The following KANK1 variants were observed in gnomAD, a reference collection of about 807,000 sequenced individuals.
KANK1 encodes the protein KN motif and ankyrin repeat domains 1.
KANK1 carries 109 observed loss-of-function variants against 106.2 expected under a neutral mutation model. The observed-to-expected ratio is 1.03, with a 90% confidence interval of 0.88 to 1.20. The LOEUF (loss-of-function observed/expected upper bound fraction) is 1.20. Ranked by LOEUF, KANK1 falls within the 50% of genes most tolerant of loss-of-function variation. The probability of loss-of-function intolerance (pLI) is 0.00; values close to 1 mark genes in which losing one functional copy is unlikely to be tolerated. For missense variants in KANK1, 2,399 were observed against 1,710.7 expected, an observed-to-expected ratio of 1.40 and a Z score of -7.10; for synonymous variants, 873 against 652.2, an observed-to-expected ratio of 1.34 and a Z score of -5.16.
intron 2 of KANK1, among the ~76,000 whole-genome samples, chr9:677,937 C>T (rs1395861872): frequency 6.6e-6 from 1 of 152,140 alleles, no homozygotes; most frequent in Non-Finnish European, 1.5e-5. Context: ...ATCCACCTGC[C>T]GGTTTAGGAC....
At chr9:561,526 T>C (rs770807369) in intron 1 of KANK1, among the ~76,000 whole-genome samples, 2 of 152,230 alleles carry the variant, frequency 1.3e-5, no homozygotes, top group Non-Finnish European at 2.9e-5. Context: ...TTGAGTTGTT[T>C]CCTTAGGACA....
chr9:744,734 TCCGCCTCCACC>T, intron 11 of KANK1, 145 bp downstream of exon 11: 1 of 1,539,160 alleles, frequency 6.5e-7, no homozygotes, highest in Non-Finnish European at 8.8e-7. Context: ...GTTCATCCTT[TCCGCCTCCACC>T]CCGCAAAAAG....
intron 1 of KANK1, among the ~76,000 whole-genome samples, chr9:603,975 A>AAG (rs1327937454): frequency 6.6e-6 from 1 of 151,014 alleles, no homozygotes; most frequent in Non-Finnish European, 1.5e-5. Context: ...AAAAAAAAAA[A>AAG]AGTAAAATTA....
rs771879466 is a variant in KANK1 at position 738,491 on chromosome 9, G to C, written c.3540G>C (p.Leu1180=). Residue 1180 remains leucine (L), a synonymous_variant, in exon 8 of 12, where the codon CTG becomes CTC. Coordinates refer to ENST00000382297, the MANE Select transcript of KANK1 (RefSeq NM_015158.5). ...VSHSNFEIVK[L]LLDADVCNVD... ...ACTCCAACTTCGAGATTGTGAAGCT[G>C]CTGTTAGATGCCGGTATGTTGGCTG... The C allele has an allele frequency of 6.2e-7, 1 of 1,613,790 alleles. No homozygotes were observed. Among genetic ancestry groups the C allele is most frequent in the East Asian group, 2.2e-5 (1 of 44,886 alleles).
At chr9:574,637 C>T (rs567906522) in intron 1 of KANK1, among the ~76,000 whole-genome samples, 3 of 151,762 alleles carry the variant, frequency 2.0e-5, no homozygotes, top group South Asian at 4.2e-4. Flanking sequence ...CGGGTGGATC[C>T]TGAGGTGAGG....
At chr9:654,452 C>G (rs1841630893) in intron 1 of KANK1, among the ~76,000 whole-genome samples, 1 of 152,180 alleles carries the variant, frequency 6.6e-6, no homozygotes, top group South Asian at 2.1e-4. Context: ...GGAGGAACTA[C>G]TATTCTCTTG....
chr9:680,788 C>T (rs1437019074), intron 2 of KANK1: 1 of 152,242 alleles, frequency 6.6e-6, no homozygotes, highest in Non-Finnish European at 1.5e-5. Flanking sequence ...CTGTGTACCC[C>T]TTGCAGATTG....
At chr9:715,964 C>A (rs776682668) in intron 3 of KANK1, among the ~76,000 whole-genome samples, 12 of 152,172 alleles carry the variant, frequency 7.9e-5, no homozygotes, top group Non-Finnish European at 1.6e-4. Context: ...ACTGTGCATT[C>A]CTGTGCACAC....
chr9:542,476 C>G (rs989051886), intron 1 of KANK1, among the ~76,000 whole-genome samples: 1 of 152,158 alleles, frequency 6.6e-6, no homozygotes, highest in Non-Finnish European at 1.5e-5. Context: ...TTAGTACAAC[C>G]AATATGGAAA....
intron 1 of KANK1, among the ~76,000 whole-genome samples, chr9:591,624 C>T (rs749611170): frequency 1.6e-4 from 25 of 151,748 alleles, no homozygotes; most frequent in Non-Finnish European, 3.2e-4. Flanking sequence ...TGTGTGCACA[C>T]GCGCACACAC....
chr9:706,127 G>A (rs1824092862), intron 2 of KANK1, among the ~76,000 whole-genome samples: 1 of 152,174 alleles, frequency 6.6e-6, no homozygotes, highest in South Asian at 2.1e-4. Context: ...ACAATTGTTT[G>A]TGAAAATGAC....
chr9:711,546 G>C lies in KANK1; in HGVS notation c.780G>C (p.Leu260=), dbSNP rs150279798. ...TPVTNVSPMH[L]QHIREQMAIA... ...TGACCAACGTGAGCCCCATGCACCT[G>C]CAGCACATCCGCGAGCAGATGGCCA... The change falls in exon 3 of 12, where the codon CTG becomes CTC. Residue 260 remains leucine (L), a synonymous_variant. Transcript: ENST00000382297. 5 of 1,613,896 alleles carry C rather than the reference G, an allele frequency of 3.1e-6. No homozygotes were observed. In the South Asian group the frequency reaches 5.5e-5, roughly 18 times the overall value.
chr9:623,905 A>T (rs1833767213), intron 1 of KANK1, among the ~76,000 whole-genome samples: 3 of 152,310 alleles, frequency 2.0e-5, no homozygotes, highest in South Asian at 4.1e-4. Context: ...TCAAATTAGT[A>T]TGTCAAAGAG....
chr9:572,513 C>G (rs1489374219), intron 1 of KANK1, among the ~76,000 whole-genome samples: 2 of 151,918 alleles, frequency 1.3e-5, no homozygotes, highest in Non-Finnish European at 2.9e-5. Flanking sequence ...GATCGCTCCA[C>G]TGCACTCCAG....
At chr9:657,159 G>A (rs1388787734) in intron 1 of KANK1, among the ~76,000 whole-genome samples, 1 of 152,186 alleles carries the variant, frequency 6.6e-6, no homozygotes, top group Non-Finnish European at 1.5e-5. Flanking sequence ...TTAGCATAGT[G>A]TCTTCAAGTT....
rs551547156 is a variant in KANK1 at position 724,501 on chromosome 9, A to G, written c.2699-5550A>G. ...ATGCTTCGTACAAGCATTTCTCTAC[A>G]AAGAGTGTTCTGGCGGCCAGGCACG... On this transcript the variant is annotated intron_variant, in intron 3 of 11. Transcript: ENST00000382297. Among the ~76,000 whole-genome samples, 111 of 152,342 alleles carry G rather than the reference A, an allele frequency of 7.3e-4. 2 individuals are homozygous for G. In the South Asian group the frequency reaches 0.022, roughly 30 times the overall value.
chr9:565,144 A>G (rs1198251129), intron 1 of KANK1, among the ~76,000 whole-genome samples: 1 of 152,238 alleles, frequency 6.6e-6, no homozygotes, highest in Non-Finnish European at 1.5e-5. Context: ...ACCACTAGGC[A>G]TGTCAGGTAA....
chr9:639,394 G>T (rs538585765), intron 1 of KANK1, among the ~76,000 whole-genome samples: 20 of 152,060 alleles, frequency 1.3e-4, no homozygotes, highest in Non-Finnish European at 2.8e-4. Flanking sequence ...GGCACGATCT[G>T]CAACCTCCTC....
At chr9:701,277 C>G (rs1822591582) in intron 2 of KANK1, among the ~76,000 whole-genome samples, 1 of 152,120 alleles carries the variant, frequency 6.6e-6, no homozygotes, top group Non-Finnish European at 1.5e-5. Flanking sequence ...CCATGCTGGG[C>G]TAATTTTGTA....
Sources: gnomAD v4.1 joint callset for allele counts (sites outside exome capture counted in the v4.1 genomes callset) on GRCh38, gnomAD v4.1.1 for gene constraint, MANE v1.5 for transcripts, NCBI Gene and HGNC (gene_info 2026-07-23, HGNC 2026-07-21) for gene names.